HTN1: variants seen among roughly 807,000 people sequenced by gnomAD.
HTN1 encodes the protein histatin-1.
HTN1 carries 18 observed loss-of-function variants against 11.2 expected under a neutral mutation model. The observed-to-expected ratio is 1.61, with a 90% CI of 1.12 to 2.39. HTN1 has a LOEUF of 2.39. HTN1 is among the 30% of genes most tolerant of loss of function. The probability of loss-of-function intolerance (pLI) is 0.00; values close to 1 mark genes in which losing one functional copy is unlikely to be tolerated. For missense variants in HTN1, 80 were observed against 67.2 expected (o/e 1.19, Z -0.67); for synonymous variants, 21 against 20.5 (o/e 1.02, Z -0.07).
chr4:70,054,155 C>T (rs1036150318), intron 2 of HTN1, among the ~76,000 whole-genome samples, 167 bp from the exon 3 acceptor site: 1 of 152,042 alleles, frequency 6.6e-6, no homozygotes, highest in African/African-American at 2.4e-5. Context: ...TTACCCCTCA[C>T]TCATTTTGAA....
intron 2 of HTN1, among the ~76,000 whole-genome samples, chr4:70,053,731 C>T (rs565099743): frequency 7.2e-5 from 11 of 152,058 alleles, no homozygotes; most frequent in East Asian, 3.9e-4. Context: ...CTACTTCCAC[C>T]GCCTCTTCCT....
At chr4:70,054,031 T>TG (rs1412761291) in intron 2 of HTN1, among the ~76,000 whole-genome samples, 3 of 152,132 alleles carry the variant, frequency 2.0e-5, no homozygotes, top group Admixed American at 2.0e-4. Context: ...CAGAGTTTCA[T>TG]TTTTCAGTTT....
At chr4:70,055,650 A>G in intron 5 of HTN1, 48 bp downstream of exon 5, 11 of 858,196 alleles carry the variant, frequency 1.3e-5, no homozygotes, top group Non-Finnish European at 2.1e-5. Flanking sequence ...CAACACTGAC[A>G]GTTTAAAAAA....
chr4:70,055,158 C>T (rs1430959344), intron 4 of HTN1, among the ~76,000 whole-genome samples: 3 of 151,938 alleles, frequency 2.0e-5, no homozygotes, highest in Non-Finnish European at 4.4e-5. Flanking sequence ...TAACTTAATC[C>T]TTTCCATAAT....
chr4:70,052,447 T>C (rs1725918413), intron 1 of HTN1, among the ~76,000 whole-genome samples: 1 of 152,192 alleles, frequency 6.6e-6, no homozygotes, highest in Non-Finnish European at 1.5e-5. Flanking sequence ...TCCCTATGTG[T>C]TGAACTGTTT....
chr4:70,053,251 T>G, intron 2 of HTN1, 124 bp downstream of exon 2: 1 of 585,248 alleles, frequency 1.7e-6, no homozygotes, highest in Non-Finnish European at 3.0e-6. Context: ...CTTTAATATT[T>G]CCCTACAAGG....
At position 70,055,570 on chromosome 4, in the gene HTN1, T is replaced by C; in HGVS notation, c.*1T>C. 1 of 1,529,230 alleles carries C rather than the reference T, an allele frequency of 6.5e-7. No individual in the cohort carries two copies. Among genetic ancestry groups the C allele is most frequent in the Non-Finnish European group, 9.1e-7 (1 of 1,103,864 alleles). 94.7% of individuals were successfully genotyped at this position (1,529,230 alleles called of 1,614,324 possible). A position where few individuals can be genotyped will look rare whatever the true frequency, so the allele number is the denominator to read the frequency against. On this transcript the variant is annotated 3_prime_UTR_variant, in exon 5 of 6. Coordinates refer to ENST00000246896, the MANE Select transcript of HTN1 (RefSeq NM_002159.4). ...ATCAAATTATCTATATGACAATTGATATCCTTAGTAATCATGGGGCATGAT... is the reference window on the plus strand; with the variant it reads ...ATCAAATTATCTATATGACAATTGACATCCTTAGTAATCATGGGGCATGAT...
At chr4:70,052,812 G>T (rs888567802) in intron 1 of HTN1, 15 of 277,194 alleles carry the variant, frequency 5.4e-5, no homozygotes, top group African/African-American at 1.3e-4. Context: ...AAAAAAGAAA[G>T]AAAAAATTCG....
At chr4:70,051,877 A>T (rs543330963) in intron 1 of HTN1, among the ~76,000 whole-genome samples, 39 of 152,278 alleles carry the variant, frequency 2.6e-4, no homozygotes, top group African/African-American at 8.2e-4. Flanking sequence ...AAAAATTTTT[A>T]AATTACCTAT....
chr4:70,054,744 T>G (rs1384307912), intron 4 of HTN1, among the ~76,000 whole-genome samples: 6 of 152,086 alleles, frequency 3.9e-5, no homozygotes, highest in Non-Finnish European at 7.4e-5. Context: ...GTTGAAATCC[T>G]AATTCTATTA....
chr4:70,056,353 G>A (rs1726042023), intron 5 of HTN1: 1 of 151,902 alleles, frequency 6.6e-6, no homozygotes, highest in African/African-American at 2.4e-5. Context: ...AACCGAAACT[G>A]GACCCCTTCC....
At chr4:70,056,222 A>G (rs543415065) in intron 5 of HTN1, 2 of 152,170 alleles carry the variant, frequency 1.3e-5, no homozygotes, top group East Asian at 3.9e-4. Context: ...ATGGGAGTTC[A>G]TTCATGATTT....
At chr4:70,057,353 G>C (rs1335814742) in intron 5 of HTN1, 1 of 152,242 alleles carries the variant, frequency 6.6e-6, no homozygotes, top group Non-Finnish European at 1.5e-5. Flanking sequence ...CGTGAAGACA[G>C]GGAGGGGACA....
chr4:70,054,592 T>C (rs1725987065), intron 4 of HTN1, 142 bp downstream of exon 4: 1 of 604,322 alleles, frequency 1.7e-6, no homozygotes, highest in East Asian at 3.3e-5. Context: ...TTATTTATGA[T>C]GCAAAGGCAA....
At position 70,055,516 on chromosome 4, in the gene HTN1, C is replaced by A. The variant is rs371461805; in HGVS notation, c.121C>A (p.Arg41=). 4.4e-6 allele frequency: 7 copies of A among 1,596,678 alleles called. No homozygotes were observed. Among genetic ancestry groups the A allele is most frequent in the African/African-American group, 1.3e-5 (1 of 74,342 alleles). Residue 41 remains arginine (R), a synonymous_variant, in exon 5 of 6, where the codon CGA becomes AGA. Coordinates refer to ENST00000246896, the MANE Select transcript of HTN1 (RefSeq NM_002159.4). ...TATGCAGGAAAAGCATCATTCACAT[C>A]GAGAATTTCCATTTTATGGGGACTA... The part of the protein sequence containing the change: ...RKFHEKHHSH[R]EFPFYGDYGS...
chr4:70,053,168 C>T (rs763118949), intron 2 of HTN1, 41 bp downstream of exon 2: 3 of 1,290,312 alleles, frequency 2.3e-6, no homozygotes, highest in Non-Finnish European at 2.3e-6. Context: ...ATTCTCAGTA[C>T]TTATCCCAAG....
intron 5 of HTN1, chr4:70,057,070 T>C (rs143239816): frequency 9.2e-5 from 14 of 152,326 alleles, no homozygotes; most frequent in African/African-American, 3.1e-4. Flanking sequence ...CATTCTACTA[T>C]AAAGACATAT....
intron 1 of HTN1, among the ~76,000 whole-genome samples, chr4:70,052,716 C>A (rs1277829141): frequency 3.3e-5 from 5 of 150,196 alleles, no homozygotes. Context: ...TTTGAGAAGA[C>A]AAGGCAGGAA....
At chr4:70,053,950 A>G (rs1271958665) in intron 2 of HTN1, among the ~76,000 whole-genome samples, 1 of 152,208 alleles carries the variant, frequency 6.6e-6, no homozygotes, top group Non-Finnish European at 1.5e-5. Flanking sequence ...GCCTGTCTCT[A>G]TCAGCAAATA....
Sources: gnomAD v4.1 joint callset for allele counts (sites outside exome capture counted in the v4.1 genomes callset) on GRCh38, gnomAD v4.1.1 for gene constraint, MANE v1.5 for transcripts, NCBI Gene and HGNC (gene_info 2026-07-23, HGNC 2026-07-21) for gene names.